The following RGS22 variants were observed in gnomAD, a reference collection of about 807,000 sequenced individuals.
The protein encoded by RGS22 is regulator of G-protein signaling 22.
Under a neutral mutation model 172.9 loss-of-function variants are expected in RGS22, and 148 were observed. The ratio of observed to expected loss-of-function variants is 0.86; its 90% confidence interval spans 0.75 to 0.98. The LOEUF (loss-of-function observed/expected upper bound fraction) is 0.98. RGS22 is among the 50% of genes least tolerant of loss of function. RGS22 has a pLI of 0.00. For synonymous variants in RGS22, 458 were observed against 480.2 expected (o/e 0.95, Z 0.60); for missense variants, 1,347 against 1,440.8 (o/e 0.93, Z 1.05).
At chr8:100,000,418 T>C (rs778169564) in intron 18 of RGS22, among the ~76,000 whole-genome samples, 7 of 152,102 alleles carry the variant, frequency 4.6e-5, no homozygotes, top group Non-Finnish European at 8.8e-5. Flanking sequence ...ACCTTGCTAA[T>C]CAAAGAGCAA....
At chr8:100,004,126 A>C in intron 16 of RGS22, 28 bp from the exon 17 acceptor site, 1 of 1,562,928 alleles carries the variant, frequency 6.4e-7, no homozygotes, top group African/African-American at 1.4e-5. Context: ...TTCAGCAAAA[A>C]TCTCTTAAAC....
intron 2 of RGS22, among the ~76,000 whole-genome samples, chr8:100,099,933 T>G (rs1813329673): frequency 6.6e-6 from 1 of 152,250 alleles, no homozygotes; most frequent in African/African-American, 2.4e-5. Flanking sequence ...CAGTAGGCTC[T>G]CACTGTTCAT....
At chr8:100,038,900 T>G (rs1819793924) in intron 14 of RGS22, 31 bp downstream of exon 14, 1 of 1,426,876 alleles carries the variant, frequency 7.0e-7, no homozygotes, top group African/African-American at 1.4e-5. Flanking sequence ...ACTTAGTGCT[T>G]CACATTGAAC....
chr8:100,022,079 A>G (rs1226008766), intron 14 of RGS22, among the ~76,000 whole-genome samples: 2 of 152,206 alleles, frequency 1.3e-5, no homozygotes, highest in South Asian at 2.1e-4. Context: ...CTGAGGAGCT[A>G]TGCCGAGAGC....
Position 99,994,602 on chromosome 8 carries a change from A to G in RGS22, c.3018+1860T>C, listed in dbSNP as rs573794602. 7.9e-5 allele frequency among the ~76,000 whole-genome samples: 12 copies of G among 152,334 alleles called. No homozygotes were observed. The East Asian group carries it at 1.7e-3, about 22-fold the overall frequency. On this transcript the variant is annotated intron_variant, in intron 20 of 27. Transcript: ENST00000360863. ...AAGGAGAAATACAAACCACTGCTCA[A>G]CGAATAAAAGAGGACACAAACAAAT... is the stretch of plus-strand genomic sequence containing the variant.
chr8:100,018,766 C>T (rs1357882988), intron 14 of RGS22, among the ~76,000 whole-genome samples: 5 of 152,020 alleles, frequency 3.3e-5, no homozygotes, highest in East Asian at 1.9e-4. Context: ...GCAAGATTTC[C>T]GCACCACTTA....
At chr8:100,059,528 G>A (rs568406334) in intron 9 of RGS22, among the ~76,000 whole-genome samples, 31 of 151,508 alleles carry the variant, frequency 2.0e-4, no homozygotes, top group East Asian at 1.4e-3. Context: ...GACAAAAACT[G>A]TAAGAAGAGA....
At chr8:99,970,170 T>C (rs540251705) in intron 23 of RGS22, among the ~76,000 whole-genome samples, 11 of 152,180 alleles carry the variant, frequency 7.2e-5, no homozygotes, top group Non-Finnish European at 1.5e-4. Flanking sequence ...GATAAATAAG[T>C]TCTTTGAAAC....
intron 10 of RGS22, 83 bp from the exon 11 acceptor site, chr8:100,047,679 C>A: frequency 8.0e-7 from 1 of 1,247,412 alleles, no homozygotes; most frequent in Non-Finnish European, 1.1e-6. Flanking sequence ...TTGTTCTCAT[C>A]ACTCGAGTAC....
intron 15 of RGS22, 33 bp downstream of exon 15, chr8:100,008,342 G>A (rs1199875225): frequency 1.9e-6 from 3 of 1,578,898 alleles, no homozygotes; most frequent in East Asian, 4.5e-5. Flanking sequence ...AAACCTGAAT[G>A]GTTTCACACT....
At chr8:100,049,677 G>C (rs1004738057) in intron 10 of RGS22, among the ~76,000 whole-genome samples, 2 of 152,142 alleles carry the variant, frequency 1.3e-5, no homozygotes, top group African/African-American at 4.8e-5. Context: ...GGAAACATTC[G>C]TGCACTAAAG....
rs1810237965 is a variant in RGS22, at chr8:100,062,683, T to C, written c.1422A>G (p.Leu474=). 1 of 1,598,514 alleles carries C rather than the reference T, an allele frequency of 6.3e-7. No individual in the cohort carries two copies. Among genetic ancestry groups the C allele is most frequent in the Non-Finnish European group, 8.5e-7 (1 of 1,173,724 alleles). ...NGDYYLSAEI[L]SKFKLLDGSQ... ...ATCCATCTAACAGTTTAAATTTTGATAAGATTTCTGCAGAAAGGTAGTAAT... is the reference window on the plus strand; with the variant it reads ...ATCCATCTAACAGTTTAAATTTTGACAAGATTTCTGCAGAAAGGTAGTAAT... The change falls in exon 9 of 28, where the codon TTA becomes TTG. Residue 474 remains leucine (L), a synonymous_variant. Transcript: ENST00000360863.
chr8:100,054,935 G>A (rs1822089567), intron 9 of RGS22, among the ~76,000 whole-genome samples: 1 of 152,178 alleles, frequency 6.6e-6, no homozygotes, highest in African/African-American at 2.4e-5. Context: ...AAAGTGGAAG[G>A]AACAGTGGGA....
Position 99,987,472 on chromosome 8 carries a change from C to T in RGS22, c.3166G>A (p.Val1056Ile), listed in dbSNP as rs1468815147. The part of the protein sequence containing the change: ...LENGLLFWQE[V>I]QKYKDLCHSH... Reference sequence around the variant, plus strand: ...CAATACAATACCTTATATTTTTGTACTTCTTGCCAAAAGAGTAAACCATTT... The same window carrying T: ...CAATACAATACCTTATATTTTTGTATTTCTTGCCAAAAGAGTAAACCATTT... The change falls in exon 21 of 28, where the codon GTA becomes ATA. Residue 1056 changes from valine to isoleucine, a missense_variant. By Grantham distance (29) the Val-to-Ile change is conservative. Transcript: ENST00000360863. 1 of 1,606,944 alleles carries T rather than the reference C, an allele frequency of 6.2e-7. No homozygotes were observed. Among genetic ancestry groups the T allele is most frequent in the South Asian group, 1.1e-5 (1 of 89,960 alleles).
intron 14 of RGS22, among the ~76,000 whole-genome samples, chr8:100,022,017 AATG>A (rs1365152032): frequency 6.6e-6 from 1 of 152,184 alleles, no homozygotes; most frequent in African/African-American, 2.4e-5. Flanking sequence ...AGGAGGAAAA[AATG>A]ATGATTTTTA....
At chr8:100,063,380 T>C (rs1273070042) in intron 8 of RGS22, 36 bp downstream of exon 8, 3 of 1,428,892 alleles carry the variant, frequency 2.1e-6, no homozygotes, top group Non-Finnish European at 2.8e-6. Context: ...CATAATTTGT[T>C]TTTAAAACTA....
chr8:99,964,477 CAAAA>C (rs34613354), intron 24 of RGS22, among the ~76,000 whole-genome samples: 1 of 55,266 alleles, frequency 1.8e-5, no homozygotes, highest in Non-Finnish European at 3.8e-5. Flanking sequence ...GACCCTGTCT[CAAAA>C]AAAAAAAAAA....
At chr8:100,046,825 G>GT (rs375926392) in intron 11 of RGS22, among the ~76,000 whole-genome samples, 109 of 149,078 alleles carry the variant, frequency 7.3e-4, no homozygotes, top group Admixed American at 1.3e-3. Context: ...TTGTTTTTTT[G>GT]TTTTTTTTTA....
chr8:100,081,079 C>T (rs1424509195), intron 3 of RGS22, among the ~76,000 whole-genome samples: 1 of 152,092 alleles, frequency 6.6e-6, no homozygotes, highest in Non-Finnish European at 1.5e-5. Context: ...TGTCTTTTCC[C>T]ATTTGTCTTC....
Sources: gnomAD v4.1 joint callset for allele counts (sites outside exome capture counted in the v4.1 genomes callset) on GRCh38, gnomAD v4.1.1 for gene constraint, MANE v1.5 for transcripts, NCBI Gene and HGNC (gene_info 2026-07-23, HGNC 2026-07-21) for gene names.